PRDM16: variants seen among roughly 807,000 people sequenced by gnomAD.
PRDM16 encodes the protein histone-lysine N-methyltransferase PRDM16.
A neutral mutation model predicts 110.6 loss-of-function variants in PRDM16; 23 were observed. That is an observed-to-expected ratio of 0.21 (90% confidence interval 0.15 to 0.29). The LOEUF (loss-of-function observed/expected upper bound fraction) is 0.29. PRDM16 is among the 10% of genes least tolerant of loss of function. PRDM16 has a pLI of 1.00. For missense variants in PRDM16, 1,615 were observed against 1,794.3 expected (o/e 0.90, Z 1.81); for synonymous variants, 799 against 781.8 (o/e 1.02, Z -0.37).
chr1:3,294,431 C>G (rs1474079714), intron 3 of PRDM16, among the ~76,000 whole-genome samples: 2 of 152,106 alleles, frequency 1.3e-5, no homozygotes, highest in Non-Finnish European at 2.9e-5. Context: ...AAAGGGGCTA[C>G]AGGATTGAGG....
intron 3 of PRDM16, chr1:3,308,778 C>T (rs1415625694): frequency 6.6e-6 from 1 of 152,266 alleles, no homozygotes; most frequent in African/African-American, 2.4e-5. Context: ...CAGACGGCTG[C>T]TTTGCCTTCC....
At chr1:3,299,694 C>G (rs548674078) in intron 3 of PRDM16, among the ~76,000 whole-genome samples, 3 of 126,554 alleles carry the variant, frequency 2.4e-5, no homozygotes, top group African/African-American at 9.1e-5. Flanking sequence ...GTCGTGGTGA[C>G]TCTGCCCTTG....
At chr1:3,285,334 C>A (rs985632241) in intron 3 of PRDM16, among the ~76,000 whole-genome samples, 2 of 152,240 alleles carry the variant, frequency 1.3e-5, no homozygotes, top group African/African-American at 4.8e-5. Context: ...GAAAGCAGCT[C>A]TGCCCTCTGC....
intron 10 of PRDM16, among the ~76,000 whole-genome samples, chr1:3,415,609 T>C (rs1306627549): frequency 2.0e-5 from 3 of 152,216 alleles, no homozygotes; most frequent in Non-Finnish European, 4.4e-5. Context: ...ATCCTGCGTT[T>C]GTTTGTGCGG....
At chr1:3,170,265 G>A (rs116819090) in intron 1 of PRDM16, among the ~76,000 whole-genome samples, 4 of 152,280 alleles carry the variant, frequency 2.6e-5, no homozygotes, top group South Asian at 2.1e-4. Context: ...AGGCCCTTCC[G>A]GGGTGGGGGT....
intron 1 of PRDM16, among the ~76,000 whole-genome samples, chr1:3,169,487 C>A (rs763957013): frequency 6.6e-6 from 1 of 152,162 alleles, no homozygotes. Context: ...ACCCCTCTCC[C>A]GTGCACAGCC....
At chr1:3,091,066 G>A (rs1291411405) in intron 1 of PRDM16, among the ~76,000 whole-genome samples, 1 of 152,226 alleles carries the variant, frequency 6.6e-6, no homozygotes, top group Admixed American at 6.5e-5. Flanking sequence ...CCGAGCTCTA[G>A]CTCTGGACGG....
chr1:3,181,105 T>TACACACGGCCTTAC (rs1197280196), intron 1 of PRDM16, among the ~76,000 whole-genome samples: 2 of 19,550 alleles, frequency 1.0e-4, no homozygotes, highest in Non-Finnish European at 4.4e-4. Context: ...CACGCAGTCT[T>TACACACGGCCTTAC]ACACGCGGCC....
chr1:3,097,112 G>T (rs990885284), intron 1 of PRDM16, among the ~76,000 whole-genome samples: 2 of 152,182 alleles, frequency 1.3e-5, no homozygotes, highest in Admixed American at 1.3e-4. Flanking sequence ...ATTCTAGGGA[G>T]AGCGGTGCCG....
intron 3 of PRDM16, among the ~76,000 whole-genome samples, chr1:3,341,878 C>T (rs1466926441): frequency 6.6e-6 from 1 of 152,200 alleles, no homozygotes; most frequent in Non-Finnish European, 1.5e-5. Context: ...CAGGTGAGTC[C>T]GGGCTGTCTT....
chr1:3,146,437 T>C, intron 1 of PRDM16, among the ~76,000 whole-genome samples: 1 of 152,006 alleles, frequency 6.6e-6, no homozygotes, highest in Middle Eastern at 3.2e-3. Flanking sequence ...GTGTGAGGGG[T>C]GTGTGTGCAC....
intron 2 of PRDM16, among the ~76,000 whole-genome samples, chr1:3,223,733 C>T (rs1398470688): frequency 6.6e-6 from 1 of 152,134 alleles, no homozygotes; most frequent in East Asian, 1.9e-4. Context: ...CAAGAGGTCA[C>T]GCGATACCAG....
chr1:3,076,492 G>A (rs373608697), intron 1 of PRDM16, among the ~76,000 whole-genome samples: 198 of 152,332 alleles, frequency 1.3e-3, no homozygotes, highest in African/African-American at 4.5e-3. Context: ...CTCAGGGAAA[G>A]CGTCAGGGCA....
At chr1:3,093,255 T>C (rs1420078114) in intron 1 of PRDM16, among the ~76,000 whole-genome samples, 1 of 152,168 alleles carries the variant, frequency 6.6e-6, no homozygotes, top group Non-Finnish European at 1.5e-5. Context: ...TAGCCCGATG[T>C]CAGAGCAGAG....
At chr1:3,117,966 T>C (rs1642998420) in intron 1 of PRDM16, among the ~76,000 whole-genome samples, 1 of 152,136 alleles carries the variant, frequency 6.6e-6, no homozygotes, top group Non-Finnish European at 1.5e-5. Context: ...TGTGCATGCA[T>C]GCTCATGCTG....
intron 2 of PRDM16, among the ~76,000 whole-genome samples, chr1:3,218,824 C>T (rs1026279911): frequency 6.6e-6 from 1 of 152,242 alleles, no homozygotes; most frequent in Non-Finnish European, 1.5e-5. Flanking sequence ...ACAAGGTGGA[C>T]AACCCGAACC....
At chr1:3,368,562 G>A (rs1642856183) in intron 3 of PRDM16, among the ~76,000 whole-genome samples, 1 of 152,216 alleles carries the variant, frequency 6.6e-6, no homozygotes, top group South Asian at 2.1e-4. Context: ...GAGGGGAAAG[G>A]GGCCATCTTT....
intron 1 of PRDM16, among the ~76,000 whole-genome samples, chr1:3,153,295 G>A (rs1643808615): frequency 6.6e-6 from 1 of 152,256 alleles, no homozygotes. Flanking sequence ...GTGGGCCTGG[G>A]GAGCTAAAGC....
Position 3,397,644 on chromosome 1 carries a change from G to A in PRDM16, c.676+1051G>A, listed in dbSNP as rs184984095. On this transcript the variant is annotated intron_variant, in intron 5 of 16. Transcript: ENST00000270722. ...CAGGAACGCAAGCTCCCTCCTGGCC[G>A]TTTCCGGCGCTGGTGATTCCTGCTG... Among the ~76,000 whole-genome samples, 555 of 152,392 alleles carry A rather than the reference G, an allele frequency of 3.6e-3. 4 individuals carry two copies. The highest frequency in any genetic ancestry group is 0.012 in the African/African-American group (513 of 41,604).
Sources: gnomAD v4.1 joint callset for allele counts (sites outside exome capture counted in the v4.1 genomes callset) on GRCh38, gnomAD v4.1.1 for gene constraint, MANE v1.5 for transcripts, NCBI Gene and HGNC (gene_info 2026-07-23, HGNC 2026-07-21) for gene names.